Variants in KIF21B observed in about 807,000 individuals in gnomAD.
The protein encoded by KIF21B is kinesin-like protein KIF21B.
In KIF21B, 85 loss-of-function variants were observed where a neutral mutation model predicts 192.9. The ratio of observed to expected loss-of-function variants is 0.44; its 90% CI spans 0.37 to 0.53. The LOEUF is 0.53. KIF21B is among the 20% of genes least tolerant of loss of function. KIF21B has a pLI of 0.00. For synonymous variants in KIF21B, 832 were observed against 884.6 expected (o/e 0.94, Z 1.05); for missense variants, 1,716 against 2,194.8 (o/e 0.78, Z 4.36).
chr1:200,980,085 T>G (rs916610193), intron 29 of KIF21B, among the ~76,000 whole-genome samples: 2 of 152,172 alleles, frequency 1.3e-5, no homozygotes, highest in African/African-American at 4.8e-5. Context: ...AATGAACCAG[T>G]GCAAGCAAAT....
rs149084633 is a variant in KIF21B, at chr1:200,996,328, C to T, written c.2145G>A (p.Arg715=). The change falls in exon 15 of 35, where the codon CGG becomes CGA. Residue 715 remains arginine, a synonymous_variant. Transcript: ENST00000461742. ...GCTTCTGCAGGTCCCGGTTCATCTCCCGCAGCCTCTTCTCATAGTCTGCCT... is the reference window on the plus strand; with the variant it reads ...GCTTCTGCAGGTCCCGGTTCATCTCTCGCAGCCTCTTCTCATAGTCTGCCT... ...KIKADYEKRL[R]EMNRDLQKLQ... is the part of the protein sequence containing the mutation. 818 of 1,614,172 alleles carry T rather than the reference C, an allele frequency of 5.1e-4. 7 individuals are homozygous for T. The African/African-American group carries it at 9.1e-3, about 18-fold the overall frequency.
At chr1:201,009,567 C>T (rs1658116952) in intron 1 of KIF21B, 79 bp from the exon 2 acceptor site, 2 of 1,340,752 alleles carry the variant, frequency 1.5e-6, no homozygotes, top group Non-Finnish European at 2.1e-6. Context: ...CACTGCCTGC[C>T]AAGCTGCCAC....
intron 1 of KIF21B, among the ~76,000 whole-genome samples, chr1:201,019,948 A>G (rs1212898790): frequency 2.0e-5 from 3 of 152,234 alleles, no homozygotes; most frequent in Non-Finnish European, 4.4e-5. Flanking sequence ...AGAGTAGCCT[A>G]GAACTAGGGA....
At chr1:200,984,574 G>C (rs543548226) in intron 27 of KIF21B, among the ~76,000 whole-genome samples, 1 of 152,190 alleles carries the variant, frequency 6.6e-6, no homozygotes, top group South Asian at 2.1e-4. Context: ...CTCAGGCACC[G>C]GCCCCATGCG....
In KIF21B at chr1:201,004,399, G is replaced by A. The variant is rs146712800; in HGVS notation, c.957C>T (p.His319=). The A allele has an allele frequency of 1.2e-3, 1,967 of 1,582,730 alleles. 4 individuals are homozygous for A. The highest frequency in any genetic ancestry group is 1.0e-3 in the Non-Finnish European group (1,172 of 1,163,666). Residue 319 remains histidine, a synonymous_variant, in exon 7 of 35, where the codon CAC becomes CAT. Transcript: ENST00000461742. ...ALGDQSKKVV[H]VPYRDSKLTR... ...TGAGCTTGGAGTCCCTGTAGGGAACGTGCACCACCTTCTTGCTCTGGTCCC... is the reference window on the plus strand; with the variant it reads ...TGAGCTTGGAGTCCCTGTAGGGAACATGCACCACCTTCTTGCTCTGGTCCC...
intron 5 of KIF21B, 138 bp downstream of exon 5, chr1:201,005,170 G>A: frequency 7.7e-7 from 1 of 1,298,640 alleles, no homozygotes; most frequent in Non-Finnish European, 1.0e-6. Flanking sequence ...CAAGGCTCAA[G>A]AAAAATATAA....
At position 201,009,493 on chromosome 1, in the gene KIF21B, C is replaced by T; in HGVS notation, c.42-5G>A. The T allele has an allele frequency of 6.2e-7, 1 of 1,612,996 alleles. No individual in the cohort carries two copies. Among genetic ancestry groups the T allele is most frequent in the Non-Finnish European group, 8.5e-7 (1 of 1,179,516 alleles). On this transcript the variant is annotated splice_polypyrimidine_tract_variant and splice_region_variant and intron_variant, in intron 1 of 34. Coordinates refer to ENST00000461742, the MANE Select transcript of KIF21B (RefSeq NM_001252102.2). ...TTCGACAGCTGGGGCCGGATCCTGC[C>T]CATGATGGAGAGAGCCCTGGGTCAG... is the stretch of plus-strand genomic sequence containing the variant.
In KIF21B at chr1:201,023,296, A is replaced by G; in HGVS notation, c.41+47T>C. ...CCCGCCCAAAGCCCACGCGAGACAA[A>G]GCCCGAGGCTTCTCCGCGCGCCCCC... On this transcript the variant is annotated intron_variant, in intron 1 of 34. Coordinates refer to ENST00000461742, the MANE Select transcript of KIF21B (RefSeq NM_001252102.2). The surrounding 1 kb of genome is among the most constrained non-coding windows in gnomAD (Gnocchi z 5.9). 6.7e-7 allele frequency: 1 copy of G among 1,493,336 alleles called. No homozygotes were observed. The highest frequency in any genetic ancestry group is 9.0e-7 in the Non-Finnish European group (1 of 1,115,146). 92.5% of individuals were successfully genotyped at this position (1,493,336 alleles called of 1,614,324 possible).
chr1:201,002,816 CTT>C (rs1657572191), intron 8 of KIF21B: 2 of 156,696 alleles, frequency 1.3e-5, no homozygotes, highest in Admixed American at 1.3e-4. Context: ...GTTGTTAGAT[CTT>C]GAAAATTTTC....
intron 1 of KIF21B, among the ~76,000 whole-genome samples, chr1:201,013,139 C>T (rs560439530): frequency 6.6e-6 from 1 of 152,302 alleles, no homozygotes; most frequent in East Asian, 1.9e-4. Flanking sequence ...CACTCTTTAC[C>T]ACACCCTGCC....
chr1:201,007,261 GAC>G (rs1657917975), intron 3 of KIF21B, among the ~76,000 whole-genome samples: 1 of 72,054 alleles, frequency 1.4e-5, no homozygotes, highest in East Asian at 4.3e-4. Flanking sequence ...GACACACACA[GAC>G]ACACACACGC....
Position 200,998,698 on chromosome 1 carries a change from A to G in KIF21B, c.1886-123T>C. The G allele has an allele frequency of 1.3e-6, 1 of 761,640 alleles. No homozygotes were observed. The highest frequency in any genetic ancestry group is 2.1e-6 in the Non-Finnish European group (1 of 468,158). The allele number at this position is 761,640 out of a possible 1,614,324, so 47.2% of individuals were successfully genotyped here. On this transcript the variant is annotated intron_variant, in intron 13 of 34. Coordinates refer to ENST00000461742, the MANE Select transcript of KIF21B (RefSeq NM_001252102.2). The surrounding 1 kb of genome is among the most constrained non-coding windows in gnomAD (Gnocchi z 4.3). ...AGCCATGACCAATCAGTGACCAGAG[A>G]CTGGGCAAAATGATAAATCCTAATG...
intron 8 of KIF21B, chr1:201,003,345 G>C: frequency 1.7e-6 from 1 of 573,568 alleles, no homozygotes; most frequent in Non-Finnish European, 3.1e-6. Flanking sequence ...CTTCTTTCTT[G>C]GACTTAGTAT....
intron 15 of KIF21B, among the ~76,000 whole-genome samples, chr1:200,995,282 A>G (rs1483060442): frequency 6.6e-6 from 1 of 152,192 alleles, no homozygotes; most frequent in East Asian, 1.9e-4. Flanking sequence ...CCCCAAGGCC[A>G]GCCCTTCACA....
chr1:201,019,182 C>T (rs1286899282), intron 1 of KIF21B, among the ~76,000 whole-genome samples: 1 of 152,212 alleles, frequency 6.6e-6, no homozygotes, highest in Non-Finnish European at 1.5e-5. Context: ...ATCCACCTGC[C>T]TCAGCCTCCC....
chr1:200,993,760 C>CA (rs1327438961), intron 15 of KIF21B, among the ~76,000 whole-genome samples: 77 of 68,840 alleles, frequency 1.1e-3, no homozygotes, highest in African/African-American at 3.3e-3. Context: ...TAAAACAAAA[C>CA]AAAACAAAAA....
At chr1:200,991,194 C>T in intron 17 of KIF21B, 45 bp from the exon 18 acceptor site, 1 of 1,529,662 alleles carries the variant, frequency 6.5e-7, no homozygotes. Flanking sequence ...GCAGGGTGGC[C>T]TGGAGCCACA....
At chr1:201,019,706 C>G (rs1057117764) in intron 1 of KIF21B, among the ~76,000 whole-genome samples, 5 of 152,132 alleles carry the variant, frequency 3.3e-5, no homozygotes, top group African/African-American at 9.7e-5. Flanking sequence ...AGGAGGCCAC[C>G]ACCAAGATTC....
intron 26 of KIF21B, among the ~76,000 whole-genome samples, 176 bp from the exon 27 acceptor site, chr1:200,985,148 C>T (rs1656203258): frequency 6.6e-6 from 1 of 152,202 alleles, no homozygotes; most frequent in African/African-American, 2.4e-5. Flanking sequence ...AAACATCAAT[C>T]CTCATCATTC....
Sources: allele counts gnomAD v4.1 joint callset (sites outside exome capture counted in the v4.1 genomes callset), GRCh38; gene constraint gnomAD v4.1.1; non-coding constraint Gnocchi (gnomAD v3.1); transcripts MANE v1.5; gene names NCBI Gene and HGNC (gene_info 2026-07-23, HGNC 2026-07-21).